IQGAP2: variants seen among roughly 807,000 people sequenced by gnomAD.
IQGAP2 encodes IQ motif containing GTPase activating protein 2.
In IQGAP2, 173 loss-of-function variants were observed where a neutral mutation model predicts 201.3. The ratio of observed to expected loss-of-function variants is 0.86; its 90% CI spans 0.76 to 0.98. IQGAP2 has a LOEUF of 0.98. Among genes scored for constraint, IQGAP2 ranks in the 50% least tolerant of loss-of-function variants. The pLI is 0.00. For synonymous variants in IQGAP2, 675 were observed against 673.9 expected (o/e 1.00, Z -0.03); for missense variants, 1,687 against 1,864.8 (o/e 0.90, Z 1.76).
At chr5:76,496,756 T>TCCTTCCTTC (rs1419476729) in intron 2 of IQGAP2, among the ~76,000 whole-genome samples, 2 of 75,862 alleles carry the variant, frequency 2.6e-5, no homozygotes, top group African/African-American at 1.4e-4. Flanking sequence ...TTTCTTTCTT[T>TCCTTCCTTC]CTTTCTTTCT....
intron 1 of IQGAP2, among the ~76,000 whole-genome samples, chr5:76,408,086 G>A (rs535564438): frequency 2.6e-5 from 4 of 152,212 alleles, no homozygotes; most frequent in South Asian, 4.2e-4. Context: ...GCTTGAACCC[G>A]GGAGGCAGAG....
chr5:76,641,168 TAATAG>T, intron 17 of IQGAP2, 65 bp downstream of exon 17: 1 of 1,274,248 alleles, frequency 7.8e-7, no homozygotes, highest in Non-Finnish European at 1.1e-6. Flanking sequence ...TTTTATTTGA[TAATAG>T]AATAGTCAAC....
chr5:76,679,901 C>G (rs1310565507), intron 28 of IQGAP2, among the ~76,000 whole-genome samples: 1 of 152,136 alleles, frequency 6.6e-6, no homozygotes, highest in Non-Finnish European at 1.5e-5. Flanking sequence ...CCTGCTTTGC[C>G]ATACACAGAA....
chr5:76,441,111 G>T (rs1283287898), intron 1 of IQGAP2, among the ~76,000 whole-genome samples: 2 of 151,810 alleles, frequency 1.3e-5, no homozygotes, highest in East Asian at 3.9e-4. Context: ...ACTGCTCAGT[G>T]TCCTTGTGCT....
intron 4 of IQGAP2, among the ~76,000 whole-genome samples, chr5:76,572,066 C>A (rs1399336766): frequency 6.6e-6 from 1 of 152,156 alleles, no homozygotes; most frequent in Non-Finnish European, 1.5e-5. Context: ...TTCTCGATCT[C>A]TATAGTTTTG....
chr5:76,590,552 C>T lies in IQGAP2; in HGVS notation c.785C>T (p.Ala262Val). 6.2e-7 allele frequency: 1 copy of T among 1,604,302 alleles called. No individual in the cohort carries two copies. The highest frequency in any genetic ancestry group is 1.1e-5 in the South Asian group (1 of 88,898). Residue 262 changes from alanine (A) to valine (V), a missense_variant, in exon 8 of 36, where the codon GCC (alanine) becomes GTC (valine). By Grantham distance (64) the Ala-to-Val change is moderately conservative. Coordinates refer to ENST00000274364, the MANE Select transcript of IQGAP2 (RefSeq NM_006633.5). ...GAATATCAGAAAGAACTCTGGGATG[C>T]CAAAAAGAAAAAAGAGGAAAATGCA... ...APEYQKELWDAKKKKEENARL... is the reference protein window; with the variant it reads ...APEYQKELWDVKKKKEENARL...
At chr5:76,626,118 C>T (rs1055630276) in intron 13 of IQGAP2, among the ~76,000 whole-genome samples, 1 of 152,106 alleles carries the variant, frequency 6.6e-6, no homozygotes, top group South Asian at 2.1e-4. Flanking sequence ...CTTTCTAAAG[C>T]TATCTTTAAC....
chr5:76,668,008 T>C (rs1743945118), intron 22 of IQGAP2, among the ~76,000 whole-genome samples: 1 of 151,460 alleles, frequency 6.6e-6, no homozygotes, highest in South Asian at 2.1e-4. Context: ...GCCTCTTGAG[T>C]AGCAGGGACT....
intron 2 of IQGAP2, among the ~76,000 whole-genome samples, chr5:76,536,193 C>T (rs536989209): frequency 6.6e-6 from 1 of 151,332 alleles, no homozygotes; most frequent in Non-Finnish European, 1.5e-5. Flanking sequence ...CTCAGCCTCC[C>T]AAGTAGCTGG....
intron 13 of IQGAP2, chr5:76,618,744 CA>C: frequency 9.5e-7 from 1 of 1,055,508 alleles, no homozygotes; most frequent in African/African-American, 1.6e-5. Flanking sequence ...AATTTAAGAT[CA>C]TTTTTATTTT....
At chr5:76,604,051 C>A (rs1398871347) in intron 11 of IQGAP2, among the ~76,000 whole-genome samples, 1 of 151,966 alleles carries the variant, frequency 6.6e-6, no homozygotes, top group African/African-American at 2.4e-5. Flanking sequence ...CATAGGTATA[C>A]AAGTGCCATG....
intron 2 of IQGAP2, among the ~76,000 whole-genome samples, chr5:76,489,478 T>C (rs1484380414): frequency 6.6e-6 from 1 of 152,192 alleles, no homozygotes; most frequent in East Asian, 1.9e-4. Context: ...TTGTTTGTTT[T>C]TTAGATGGAG....
intron 20 of IQGAP2, among the ~76,000 whole-genome samples, chr5:76,658,045 G>A (rs1742906529): frequency 6.6e-6 from 1 of 151,150 alleles, no homozygotes; most frequent in Non-Finnish European, 1.5e-5. Context: ...ACCACTTTCT[G>A]CTTCCTGCAG....
At chr5:76,593,816 A>G (rs945779276) in intron 9 of IQGAP2, among the ~76,000 whole-genome samples, 1 of 152,208 alleles carries the variant, frequency 6.6e-6, no homozygotes, top group African/African-American at 2.4e-5. Flanking sequence ...CTTCCTTTTA[A>G]CATCCTCGTT....
chr5:76,634,885 T>A (rs6860675), intron 15 of IQGAP2, among the ~76,000 whole-genome samples: 1 of 137,670 alleles, frequency 7.3e-6, no homozygotes, highest in Non-Finnish European at 1.6e-5. Context: ...CTTAACTAAC[T>A]GTAATCAGTC....
intron 1 of IQGAP2, among the ~76,000 whole-genome samples, chr5:76,404,796 T>G (rs1750706577): frequency 6.6e-6 from 1 of 151,244 alleles, no homozygotes; most frequent in Non-Finnish European, 1.5e-5. Context: ...GACCCAGCTT[T>G]TTGCCTTTTG....
At chr5:76,610,517 A>G (rs4289539) in intron 12 of IQGAP2, among the ~76,000 whole-genome samples, 11,053 of 151,452 alleles carry the variant, frequency 0.073, 831 homozygotes, top group East Asian at 0.44. Flanking sequence ...GCAGTGAGCC[A>G]AGATCATGCC....
intron 21 of IQGAP2, among the ~76,000 whole-genome samples, chr5:76,662,977 AC>A (rs1024029422): frequency 7.2e-5 from 11 of 152,242 alleles, no homozygotes; most frequent in Non-Finnish European, 1.5e-4. Flanking sequence ...CTGGAAGGCA[AC>A]AGATGTAGCC....
rs753691618 is a variant in IQGAP2, at chr5:76,658,410, ATCAT to A, written c.2321-46_2321-43del. On this transcript the variant is annotated intron_variant, in intron 20 of 35. Coordinates refer to ENST00000274364, the MANE Select transcript of IQGAP2 (RefSeq NM_006633.5). ...AGACCTTGTTTCTTTCCTGTTGATAATCATTCCAAGCTTTCCTAATTAAAGTATA... is the reference window on the plus strand; with the variant it reads ...AGACCTTGTTTCTTTCCTGTTGATAATCCAAGCTTTCCTAATTAAAGTATA... 37 of 1,416,822 alleles carry A rather than the reference ATCAT, an allele frequency of 2.6e-5. No individual in the cohort carries two copies. The East Asian group carries it at 8.4e-4, about 32-fold the overall frequency. 87.8% of individuals were successfully genotyped at this position (1,416,822 alleles called of 1,614,324 possible). A position where few individuals can be genotyped will look rare whatever the true frequency, so the allele number is the denominator to read the frequency against.
Sources: gnomAD v4.1 joint callset for allele counts (sites outside exome capture counted in the v4.1 genomes callset) on GRCh38, gnomAD v4.1.1 for gene constraint, MANE v1.5 for transcripts, NCBI Gene and HGNC (gene_info 2026-07-23, HGNC 2026-07-21) for gene names.